FAM120C: variants seen among roughly 807,000 people sequenced by gnomAD.
FAM120C encodes the protein constitutive coactivator of PPAR-gamma-like protein 2.
A neutral mutation model predicts 71.2 loss-of-function variants in FAM120C; 14 were observed. That is an observed-to-expected ratio of 0.20 (90% confidence interval 0.13 to 0.31). FAM120C has a LOEUF of 0.31. FAM120C is among the 10% of genes least tolerant of loss of function. The pLI is 1.00. For missense variants in FAM120C, 500 were observed against 879.0 expected, an observed-to-expected ratio of 0.57 and a Z score of 5.45; for synonymous variants, 354 against 353.2, an observed-to-expected ratio of 1.00 and a Z score of -0.03.
At chrX:54,126,322 G>T (rs782503654) in intron 9 of FAM120C, among the ~76,000 whole-genome samples, 1 of 112,232 alleles carries the variant, frequency 8.9e-6, no homozygotes, top group Non-Finnish European at 1.9e-5. Context: ...ATTAAGTACA[G>T]TTGATCCTTG....
intron 10 of FAM120C, among the ~76,000 whole-genome samples, chrX:54,110,011 CTTT>C (rs782078837): frequency 1.1e-4 from 7 of 61,438 alleles, no homozygotes; most frequent in African/African-American, 4.5e-4. Flanking sequence ...AGAAAAATAT[CTTT>C]TTTTTTTTTT....
At chrX:54,125,508 G>T (rs2067022614) in intron 9 of FAM120C, among the ~76,000 whole-genome samples, 1 of 111,791 alleles carries the variant, frequency 8.9e-6, no homozygotes, top group South Asian at 3.8e-4. Flanking sequence ...GTCTCTCCAT[G>T]TTGCCCAGGC....
chrX:54,112,282 T>G (rs1201052987), intron 10 of FAM120C, among the ~76,000 whole-genome samples: 2 of 108,614 alleles, frequency 1.8e-5, no homozygotes, highest in East Asian at 5.9e-4. Context: ...CGGGGAAGGG[T>G]AGTGCACACC....
At chrX:54,164,874 A>G (rs1557134919) in intron 1 of FAM120C, among the ~76,000 whole-genome samples, 1 of 112,103 alleles carries the variant, frequency 8.9e-6, no homozygotes, top group Non-Finnish European at 1.9e-5. Context: ...AATCCCACCA[A>G]CAGTGCATAA....
chrX:54,135,535 T>C lies in FAM120C; in HGVS notation c.1328A>G (p.Lys443Arg), dbSNP rs1557130397. The change falls in exon 6 of 16, where the codon AAG (lysine) becomes AGG (arginine). Residue 443 changes from lysine (K) to arginine (R), a missense_variant. Physicochemically the swap from Lys to Arg is conservative, Grantham distance 26 (BLOSUM62 2). This residue lies in a region of FAM120C where 55 missense variants were observed against 96.7 expected (regional missense o/e 0.57). Transcript: ENST00000375180. ...RNQVGTISAGKPMFSHQVPQK... is the reference protein window; with the variant it reads ...RNQVGTISAGRPMFSHQVPQK... Reference sequence around the variant, plus strand: ...TTCTTAAAGGATGCTTACCATTGGCTTTCCAGCAGAAATGGTGCCCACTTG... The same window carrying C: ...TTCTTAAAGGATGCTTACCATTGGCCTTCCAGCAGAAATGGTGCCCACTTG... 2 of 1,209,528 alleles carry C rather than the reference T, an allele frequency of 1.7e-6. No homozygotes were observed. Among genetic ancestry groups the C allele is most frequent in the South Asian group, 3.5e-5 (2 of 56,576 alleles).
chrX:54,118,604 C>T (rs781907787), intron 9 of FAM120C, among the ~76,000 whole-genome samples: 5 of 108,211 alleles, frequency 4.6e-5, no homozygotes, highest in East Asian at 2.9e-4. Context: ...GCATCCTCTC[C>T]GGGATATGGT....
At chrX:54,113,899 A>G (rs970029367) in intron 10 of FAM120C, among the ~76,000 whole-genome samples, 3 of 111,344 alleles carry the variant, frequency 2.7e-5, no homozygotes, top group Non-Finnish European at 5.7e-5. Flanking sequence ...CTGGGCAACA[A>G]GAGCGAAACT....
chrX:54,164,720 G>A (rs184415309), intron 1 of FAM120C, among the ~76,000 whole-genome samples: 10 of 112,186 alleles, frequency 8.9e-5, no homozygotes, highest in Admixed American at 8.5e-4. Context: ...ATGAACATGG[G>A]TGTGCAAATA....
At chrX:54,088,688 A>ATC (rs2066808410) in intron 11 of FAM120C, among the ~76,000 whole-genome samples, 1 of 109,427 alleles carries the variant, frequency 9.1e-6, no homozygotes, top group Admixed American at 9.9e-5. Context: ...TTGTTGAGTT[A>ATC]GAAATTAAAC....
At chrX:54,128,317 C>T (rs1164539230) in intron 9 of FAM120C, among the ~76,000 whole-genome samples, 1 of 112,308 alleles carries the variant, frequency 8.9e-6, no homozygotes, top group Non-Finnish European at 1.9e-5. Flanking sequence ...CCTCAGCCTC[C>T]CAAAGTGCTG....
chrX:54,135,107 G>C lies in FAM120C; in HGVS notation c.1340C>G (p.Ser447Cys), dbSNP rs1557130274. Residue 447 changes from serine to cysteine, a missense_variant, in exon 7 of 16, where the codon TCT (serine) becomes TGT (cysteine). Ser to Cys is a moderately radical substitution (Grantham distance 112). Around this residue, in one of 11 missense-constraint regions of FAM120C, gnomAD observed 55 missense variants for 96.7 expected, o/e 0.57. Transcript: ENST00000375180. ...GTISAGKPMF[S>C]HQVPQKVKYP... ...TTTCACTTTCTGGGGCACTTGATGAGAAAACTAAACGATAAAACAGACAGA... is the reference window on the plus strand; with the variant it reads ...TTTCACTTTCTGGGGCACTTGATGACAAAACTAAACGATAAAACAGACAGA... 2.5e-6 allele frequency: 3 copies of C among 1,188,735 alleles called. No individual in the cohort carries two copies. In the Admixed American group the frequency reaches 7.0e-5, roughly 28 times the overall value.
At chrX:54,087,310 TAAA>T (rs11330205) in intron 12 of FAM120C, among the ~76,000 whole-genome samples, 5 of 92,639 alleles carry the variant, frequency 5.4e-5, no homozygotes, top group Admixed American at 1.3e-4. Context: ...AGACTCCGTC[TAAA>T]AAAAAAAAAA....
At chrX:54,114,072 ACT>A (rs1305213364) in intron 10 of FAM120C, among the ~76,000 whole-genome samples, 1 of 97,087 alleles carries the variant, frequency 1.0e-5, no homozygotes, top group African/African-American at 3.9e-5. Context: ...ACACACACAC[ACT>A]GGAGTACTAT....
chrX:54,137,742 C>T (rs924008414), intron 4 of FAM120C, among the ~76,000 whole-genome samples: 2 of 111,527 alleles, frequency 1.8e-5, no homozygotes, highest in African/African-American at 6.5e-5. Flanking sequence ...TATAAAACCA[C>T]AATATGACAC....
At chrX:54,151,602 A>C (rs981360324) in intron 3 of FAM120C, among the ~76,000 whole-genome samples, 2 of 112,125 alleles carry the variant, frequency 1.8e-5, no homozygotes, top group East Asian at 2.8e-4. Flanking sequence ...TGCAGAGATA[A>C]CTACTGTATA....
At position 54,180,818 on chromosome X, in the gene FAM120C, TA is replaced by T. The variant is rs782342337; in HGVS notation, c.699+1681del. ...GCGAGGATGATGAGGTAATTTTTTT[TA>T]AAAGAAGTGCACAGATCGACACCTA... On this transcript the variant is annotated intron_variant, in intron 1 of 15. Transcript: ENST00000375180. Among the ~76,000 whole-genome samples the T allele has an allele frequency of 2.8e-3, 308 of 111,330 alleles. 2 individuals are homozygous for T. The highest frequency in any genetic ancestry group is 9.6e-3 in the African/African-American group (292 of 30,568).
intron 9 of FAM120C, among the ~76,000 whole-genome samples, chrX:54,119,794 C>A (rs1557127235): frequency 1.9e-5 from 1 of 51,509 alleles, no homozygotes; most frequent in Admixed American, 3.0e-4. Context: ...CTTGCCCACG[C>A]CTATGTCCTG....
rs372676482 is a variant in FAM120C, at chrX:54,081,366, T to A, written c.2934A>T (p.Gly978=). ...CAGAAACCACTTGCATGCCGAAGGA[T>A]CCTCGGCCCCTGGAGGATCTGCTGC... The part of the protein sequence containing the change: ...WAGSRSSRGR[G]SFGMQVVSVG... The change falls in exon 14 of 16, where the codon GGA becomes GGT. Residue 978 remains glycine, a synonymous_variant. Coordinates refer to ENST00000375180, the MANE Select transcript of FAM120C (RefSeq NM_017848.6). The A allele has an allele frequency of 9.1e-6, 11 of 1,205,539 alleles. No homozygotes were observed. Among genetic ancestry groups the A allele is most frequent in the Non-Finnish European group, 1.1e-5 (10 of 893,726 alleles).
At chrX:54,075,756 G>A (rs1193296244) in intron 15 of FAM120C, among the ~76,000 whole-genome samples, 2 of 102,385 alleles carry the variant, frequency 2.0e-5, no homozygotes, top group Admixed American at 1.1e-4. Flanking sequence ...CCAAGATCAC[G>A]CCACTGCACT....
Sources: allele counts gnomAD v4.1 joint callset (sites outside exome capture counted in the v4.1 genomes callset), GRCh38; gene constraint gnomAD v4.1.1; regional missense constraint gnomAD v4.1.1; transcripts MANE v1.5; gene names NCBI Gene and HGNC (gene_info 2026-07-23, HGNC 2026-07-21).